Variants in TMEM132C observed in about 807,000 individuals in gnomAD.
TMEM132C encodes transmembrane protein 132C.
TMEM132C carries 29 observed loss-of-function variants against 61.4 expected under a neutral mutation model. The ratio of observed to expected loss-of-function variants is 0.47; its 90% CI spans 0.35 to 0.64. The LOEUF is 0.64. Ranked by LOEUF, TMEM132C falls within the 30% of genes least tolerant of loss-of-function variation. The pLI is 0.00. For missense variants in TMEM132C, 1,408 were observed against 1,476.9 expected, an observed-to-expected ratio of 0.95 and a Z score of 0.76; for synonymous variants, 656 against 633.1, an observed-to-expected ratio of 1.04 and a Z score of -0.54.
At chr12:128,531,721 A>G (rs1337658238) in intron 2 of TMEM132C, among the ~76,000 whole-genome samples, 3 of 151,988 alleles carry the variant, frequency 2.0e-5, no homozygotes, top group South Asian at 2.1e-4. Flanking sequence ...TAGGGCCTCT[A>G]CTCCTTTTGA....
chr12:128,568,897 T>C (rs1198205641), intron 3 of TMEM132C, among the ~76,000 whole-genome samples: 1 of 152,196 alleles, frequency 6.6e-6, no homozygotes, highest in African/African-American at 2.4e-5. Flanking sequence ...GGGTTCTTTA[T>C]GCAATCTTTA....
intron 3 of TMEM132C, among the ~76,000 whole-genome samples, chr12:128,606,999 G>A (rs1019531108): frequency 1.3e-5 from 2 of 152,138 alleles, no homozygotes; most frequent in Admixed American, 1.3e-4. Context: ...CAAATACGAT[G>A]AATAAGGAAG....
Position 128,340,738 on chromosome 12 carries a change from TTTC to T in TMEM132C, c.85+73254_85+73256del, listed in dbSNP as rs1346666027. 4.0e-3 allele frequency among the ~76,000 whole-genome samples: 613 copies of T among 151,910 alleles called. 1 individual carries two copies. The highest frequency in any genetic ancestry group is 0.014 in the African/African-American group (584 of 41,430). On this transcript the variant is annotated intron_variant, in intron 1 of 8. Coordinates refer to ENST00000435159, the MANE Select transcript of TMEM132C (RefSeq NM_001136103.3). ...CTTTCTTCCTTCCTTCCTTCCTTCC[TTTC>T]TTTTTTTCTTTTTCTTTCTTTCTTT...
At chr12:128,306,440 G>C (rs886590548) in intron 1 of TMEM132C, among the ~76,000 whole-genome samples, 4 of 151,984 alleles carry the variant, frequency 2.6e-5, no homozygotes, top group African/African-American at 9.7e-5. Flanking sequence ...CTGACCTCGT[G>C]ATCTGCCCAC....
At chr12:128,350,041 A>G (rs1452206115) in intron 1 of TMEM132C, among the ~76,000 whole-genome samples, 4 of 152,304 alleles carry the variant, frequency 2.6e-5, no homozygotes, top group Middle Eastern at 3.4e-3. Context: ...TGTGAGTTGA[A>G]ATTCATCTTC....
At chr12:128,622,354 AAAAAAAATATATAT>A (rs1303031826) in intron 4 of TMEM132C, among the ~76,000 whole-genome samples, 2 of 66,284 alleles carry the variant, frequency 3.0e-5, no homozygotes, top group African/African-American at 1.3e-4. Context: ...AAAAAAAAAA[AAAAAAAATATATAT>A]ATATATATAT....
At chr12:128,600,608 A>C (rs1876149081) in intron 3 of TMEM132C, among the ~76,000 whole-genome samples, 2 of 152,168 alleles carry the variant, frequency 1.3e-5, no homozygotes, top group South Asian at 2.1e-4. Flanking sequence ...GCATGGAGGG[A>C]CAAGAGCAGA....
intron 2 of TMEM132C, among the ~76,000 whole-genome samples, chr12:128,517,014 G>A (rs1367302551): frequency 6.7e-6 from 1 of 148,816 alleles, no homozygotes; most frequent in Non-Finnish European, 1.5e-5. Flanking sequence ...TTGACGTCAG[G>A]AATTTGAAAC....
intron 1 of TMEM132C, among the ~76,000 whole-genome samples, chr12:128,314,352 C>T (rs1199596062): frequency 2.0e-5 from 3 of 152,014 alleles, no homozygotes; most frequent in Non-Finnish European, 4.4e-5. Flanking sequence ...CCCATCAGGC[C>T]TTCTATTCGA....
intron 1 of TMEM132C, among the ~76,000 whole-genome samples, chr12:128,325,157 G>T (rs1382368309): frequency 2.6e-5 from 4 of 152,152 alleles, no homozygotes; most frequent in Non-Finnish European, 5.9e-5. Flanking sequence ...TCCTGCTTTA[G>T]TGCATGTTCT....
chr12:128,554,533 A>T (rs542542199), intron 3 of TMEM132C, among the ~76,000 whole-genome samples: 1 of 152,246 alleles, frequency 6.6e-6, no homozygotes, highest in African/African-American at 2.4e-5. Flanking sequence ...AAAATTGTTC[A>T]TCAGGAAGTA....
At chr12:128,398,257 A>G (rs1875031526) in intron 1 of TMEM132C, among the ~76,000 whole-genome samples, 1 of 152,222 alleles carries the variant, frequency 6.6e-6, no homozygotes, top group Non-Finnish European at 1.5e-5. Flanking sequence ...CTAGCTGTAC[A>G]TACGTGCAAG....
chr12:128,372,233 A>C (rs1565915895), intron 1 of TMEM132C, among the ~76,000 whole-genome samples: 1 of 152,226 alleles, frequency 6.6e-6, no homozygotes, highest in Non-Finnish European at 1.5e-5. Flanking sequence ...CCATTGCTGA[A>C]TCTTAGCTTT....
chr12:128,553,895 G>A (rs1207639837), intron 3 of TMEM132C, among the ~76,000 whole-genome samples: 1 of 152,230 alleles, frequency 6.6e-6, no homozygotes, highest in Non-Finnish European at 1.5e-5. Context: ...GGAGGAGAGG[G>A]AGGGACCCCG....
intron 2 of TMEM132C, among the ~76,000 whole-genome samples, chr12:128,540,752 C>G (rs1345964651): frequency 4.6e-5 from 7 of 152,094 alleles, no homozygotes; most frequent in Non-Finnish European, 8.8e-5. Context: ...GTGGTTTCTC[C>G]CATCGGCAAG....
intron 4 of TMEM132C, among the ~76,000 whole-genome samples, chr12:128,665,856 CACAT>C (rs1473843878): frequency 3.4e-5 from 5 of 147,720 alleles, no homozygotes; most frequent in African/African-American, 7.6e-5. Context: ...CACACACACA[CACAT>C]ACACACAGGC....
chr12:128,668,248 C>CA (rs201248139), intron 4 of TMEM132C, among the ~76,000 whole-genome samples: 54 of 139,282 alleles, frequency 3.9e-4, no homozygotes, highest in African/African-American at 1.0e-3. Context: ...GACCCCATAT[C>CA]AAAAAAAAAG....
At chr12:128,701,964 A>T (rs1204262877) in intron 8 of TMEM132C, among the ~76,000 whole-genome samples, 2 of 142,592 alleles carry the variant, frequency 1.4e-5, no homozygotes, top group East Asian at 4.1e-4. Context: ...CAGTGGTGTG[A>T]TCTTGGCTCA....
At chr12:128,703,690 C>G (rs949187038) in intron 8 of TMEM132C, among the ~76,000 whole-genome samples, 11 of 152,190 alleles carry the variant, frequency 7.2e-5, no homozygotes, top group African/African-American at 2.7e-4. Context: ...GCTATTGTGA[C>G]TCCATGTCTT....
Sources: allele counts gnomAD v4.1 joint callset (sites outside exome capture counted in the v4.1 genomes callset), GRCh38; gene constraint gnomAD v4.1.1; transcripts MANE v1.5; gene names NCBI Gene and HGNC (gene_info 2026-07-23, HGNC 2026-07-21).